Variants in ESPNL observed in about 807,000 individuals in gnomAD.
The protein encoded by ESPNL is espin-like protein.
Under a neutral mutation model 46.8 loss-of-function variants are expected in ESPNL, and 49 were observed. The observed-to-expected ratio is 1.05, with a 90% CI of 0.83 to 1.33. The LOEUF is 1.33. Among genes scored for constraint, ESPNL ranks in the 40% most tolerant of loss-of-function variants. ESPNL has a pLI of 0.00. For missense variants in ESPNL, 1,540 were observed against 1,436.6 expected (o/e 1.07, Z -1.16); for synonymous variants, 664 against 662.1 (o/e 1.00, Z -0.04).
chr2:238,109,196 G>C (rs1189135851), intron 4 of ESPNL, among the ~76,000 whole-genome samples: 1 of 152,162 alleles, frequency 6.6e-6, no homozygotes, highest in Admixed American at 6.5e-5. Flanking sequence ...GGCTCAGAAG[G>C]GGTAAGTGGC....
At chr2:238,127,419 A>C in intron 6 of ESPNL, 1 of 1,321,572 alleles carries the variant, frequency 7.6e-7, no homozygotes, top group Non-Finnish European at 9.6e-7. Context: ...CCCATCGACC[A>C]GGCGGGGGCG....
rs547216293 is a variant in ESPNL, at chr2:238,118,410, G to A, written c.987+1376G>A. On this transcript the variant is annotated intron_variant, in intron 5 of 8. Transcript: ENST00000343063. ...GAAGGGTGGATGGAAGAGGGTGGAC[G>A]GAGGAGGGTGGATGGAGGAGGAATG... Among the ~76,000 whole-genome samples, 160 of 78,586 alleles carry A rather than the reference G, an allele frequency of 2.0e-3. 8 individuals are homozygous for A. Among genetic ancestry groups the A allele is most frequent in the South Asian group, 0.011 (29 of 2,626 alleles). 51.6% of individuals were successfully genotyped at this position (78,586 alleles called of 152,430 possible).
In ESPNL at chr2:238,130,736, C is replaced by A; in HGVS notation, c.2022C>A (p.Cys674Ter). 6.4e-7 allele frequency: 1 copy of A among 1,563,936 alleles called. No individual in the cohort carries two copies. Among genetic ancestry groups the A allele is most frequent in the Non-Finnish European group, 8.6e-7 (1 of 1,157,912 alleles). ...TCTGTGGCTTCAACCCTGGCCCCTG[C>A]GAGCCGGGGGCCCAGCACAGGCAGT... ...GPLCGFNPGP[C>*]EPGAQHRQCL... is the part of the protein sequence containing the mutation. Residue 674 changes from cysteine (C) to a stop codon, truncating the protein, a stop_gained, in exon 9 of 9, where the codon TGC becomes TGA. Transcript: ENST00000343063. LOFTEE classifies it low-confidence loss of function (END_TRUNC).
In ESPNL at chr2:238,104,667, G is replaced by T; in HGVS notation, c.497G>T (p.Arg166Leu). The T allele has an allele frequency of 6.3e-7, 1 of 1,593,644 alleles. No individual in the cohort carries two copies. Among genetic ancestry groups the T allele is most frequent in the Non-Finnish European group, 8.5e-7 (1 of 1,169,872 alleles). The change falls in exon 3 of 9, where the codon CGG becomes CTG. Residue 166 changes from arginine (R) to leucine (L), a missense_variant. By Grantham distance (102) the Arg-to-Leu change is moderately radical (BLOSUM62 -2). Transcript: ENST00000343063. ...TCCCTTCCCTGCAGCAGCGTGAACC[G>T]GCGGACACGCAGTGGCGCCTCCCCA... Reference protein sequence around the residue: ...LTAAHGSSVNRRTRSGASPLY... With the variant: ...LTAAHGSSVNLRTRSGASPLY...
intron 4 of ESPNL, among the ~76,000 whole-genome samples, chr2:238,115,365 G>T (rs979044299): frequency 6.6e-6 from 1 of 152,182 alleles, no homozygotes; most frequent in Non-Finnish European, 1.5e-5. Flanking sequence ...GGTAGGGGCC[G>T]GGGCAAGGGA....
chr2:238,124,645 A>G (rs1692059738), intron 5 of ESPNL, among the ~76,000 whole-genome samples: 1 of 144,812 alleles, frequency 6.9e-6, no homozygotes. Context: ...AGGAGAGTGT[A>G]CGTGCATGTG....
intron 4 of ESPNL, among the ~76,000 whole-genome samples, chr2:238,111,759 T>A (rs1691722326): frequency 6.6e-6 from 1 of 152,256 alleles, no homozygotes; most frequent in African/African-American, 2.4e-5. Context: ...TGTAAATATC[T>A]CTGAGATCCA....
intron 4 of ESPNL, among the ~76,000 whole-genome samples, chr2:238,113,948 T>C (rs1386885221): frequency 6.6e-6 from 1 of 152,146 alleles, no homozygotes; most frequent in African/African-American, 2.4e-5. Flanking sequence ...GCTTTCCTTT[T>C]CTCCTGAGTG....
At chr2:238,102,616 G>T (rs1425187351) in intron 2 of ESPNL, among the ~76,000 whole-genome samples, 3 of 152,276 alleles carry the variant, frequency 2.0e-5, no homozygotes, top group African/African-American at 4.8e-5. Flanking sequence ...CCGGGCGCTG[G>T]CCTCATCGTC....
At chr2:238,105,939 G>A (rs559834039) in intron 3 of ESPNL, among the ~76,000 whole-genome samples, 2 of 152,202 alleles carry the variant, frequency 1.3e-5, no homozygotes, top group South Asian at 4.1e-4. Context: ...TCTGCCCCCG[G>A]GGCCTTTGCA....
In ESPNL at chr2:238,114,443, C is replaced by T. The variant is rs1018513931; in HGVS notation, c.856-2460C>T. Among the ~76,000 whole-genome samples, 31 of 152,224 alleles carry T rather than the reference C, an allele frequency of 2.0e-4. No homozygotes were observed. The highest frequency in any genetic ancestry group is 7.0e-4 in the African/African-American group (29 of 41,466). Reference sequence around the variant, plus strand: ...CCACCCACCCACACACCCACCGCGCCCTGGCAAACCTTTGCCATTCCCCCA... The same window carrying T: ...CCACCCACCCACACACCCACCGCGCTCTGGCAAACCTTTGCCATTCCCCCA... On this transcript the variant is annotated intron_variant, in intron 4 of 8. Transcript: ENST00000343063. This position sits in a 1 kb window ranked among gnomAD's most constrained non-coding sequence, Gnocchi z 5.0.
chr2:238,125,340 T>A lies in ESPNL; in HGVS notation c.1058T>A (p.Leu353Gln). 1.9e-6 allele frequency: 3 copies of A among 1,574,450 alleles called. No homozygotes were observed. Among genetic ancestry groups the A allele is most frequent in the Non-Finnish European group, 2.6e-6 (3 of 1,160,388 alleles). Reference sequence around the variant, plus strand: ...CCACTGTTGGCCACGAGGCGCTCCCTGGAGGATGGAAGAAGAGGAGGCCCA... The same window carrying A: ...CCACTGTTGGCCACGAGGCGCTCCCAGGAGGATGGAAGAAGAGGAGGCCCA... ...PPPLLATRRS[L>Q]EDGRRGGPGP... The change falls in exon 6 of 9, where the codon CTG becomes CAG. Residue 353 changes from leucine (L) to glutamine (Q), a missense_variant. Physicochemically the swap from Leu to Gln is moderately radical, Grantham distance 113. Coordinates refer to ENST00000343063, the MANE Select transcript of ESPNL (RefSeq NM_194312.4).
chr2:238,124,686 GGA>G (rs1692062101), intron 5 of ESPNL, among the ~76,000 whole-genome samples: 1 of 100,744 alleles, frequency 9.9e-6, no homozygotes, highest in Admixed American at 9.0e-5. Flanking sequence ...TGTGTGTGCA[GGA>G]GAGTACGTGC....
In ESPNL at chr2:238,130,747, CCCA is replaced by C. The variant is rs1482712812; in HGVS notation, c.2034_2036del (p.Gln679del). The C allele has an allele frequency of 7.7e-6, 12 of 1,564,170 alleles. No homozygotes were observed. The highest frequency in any genetic ancestry group is 1.3e-5 in the African/African-American group (1 of 74,196). ...AACCCTGGCCCCTGCGAGCCGGGGG[CCCA>C]GCACAGGCAGTGCCTGAGTGGCTGC... On this transcript the variant is annotated inframe_deletion, in exon 9 of 9. Transcript: ENST00000343063.
Position 238,124,234 on chromosome 2 carries a change from G to A in ESPNL, c.988-1036G>A, listed in dbSNP as rs537705871. On this transcript the variant is annotated intron_variant, in intron 5 of 8. Coordinates refer to ENST00000343063, the MANE Select transcript of ESPNL (RefSeq NM_194312.4). ...TCACTAGCACTGACCCTGGAGCCCT[G>A]ATGGCCACGTCTGGCTTCCAGTGCC... is the stretch of plus-strand genomic sequence containing the variant. Among the ~76,000 whole-genome samples the A allele has an allele frequency of 4.6e-4, 70 of 152,356 alleles. 2 individuals carry two copies. Among genetic ancestry groups the A allele is most frequent in the Admixed American group, 4.6e-3 (70 of 15,308 alleles).
At chr2:238,110,770 T>G (rs1175402687) in intron 4 of ESPNL, among the ~76,000 whole-genome samples, 1 of 151,932 alleles carries the variant, frequency 6.6e-6, no homozygotes, top group Admixed American at 6.6e-5. Flanking sequence ...CAGGATCCCA[T>G]TTAGGATGCC....
chr2:238,108,588 T>C (rs1161171390), intron 4 of ESPNL, among the ~76,000 whole-genome samples: 1 of 152,204 alleles, frequency 6.6e-6, no homozygotes, highest in African/African-American at 2.4e-5. Flanking sequence ...CATCCGGTCC[T>C]GAGCAGTGTC....
In ESPNL at chr2:238,104,916, G is replaced by A; in HGVS notation, c.672+74G>A. ...CTCCAGCAAGCAGAGCCTGGAGCCT[G>A]GATGGGGGCTCCAGAGGGAACTGGG... On this transcript the variant is annotated intron_variant, in intron 3 of 8. Coordinates refer to ENST00000343063, the MANE Select transcript of ESPNL (RefSeq NM_194312.4). The A allele has an allele frequency of 3.1e-6, 4 of 1,287,600 alleles. No individual in the cohort carries two copies. The South Asian group carries it at 6.5e-5, about 21-fold the overall frequency. The allele number at this position is 1,287,600 out of a possible 1,614,324, so 79.8% of individuals were successfully genotyped here. A position where few individuals can be genotyped will look rare whatever the true frequency, so the allele number is the denominator to read the frequency against.
intron 5 of ESPNL, among the ~76,000 whole-genome samples, chr2:238,121,146 T>G (rs1461500514): frequency 6.6e-6 from 1 of 152,234 alleles, no homozygotes; most frequent in African/African-American, 2.4e-5. Context: ...CTCCACGCAA[T>G]GAGGGATGCG....
Sources: gnomAD v4.1 joint callset for allele counts (sites outside exome capture counted in the v4.1 genomes callset) on GRCh38, gnomAD v4.1.1 for gene constraint, Gnocchi (gnomAD v3.1) non-coding constraint, MANE v1.5 for transcripts, NCBI Gene and HGNC (gene_info 2026-07-23, HGNC 2026-07-21) for gene names.